The following TRPS1 variants were observed in gnomAD, a reference collection of about 807,000 sequenced individuals.
The protein encoded by TRPS1 is zinc finger transcription factor Trps1.
TRPS1 carries 6 observed loss-of-function variants against 101.2 expected under a neutral mutation model. The observed-to-expected ratio is 0.06, with a 90% CI of 0.03 to 0.12. The LOEUF is 0.12. Ranked by LOEUF, TRPS1 falls within the 10% of genes least tolerant of loss-of-function variation. The pLI, the probability that TRPS1 is intolerant of heterozygous loss-of-function variation, is 1.00. For synonymous variants in TRPS1, 578 were observed against 589.8 expected (o/e 0.98, Z 0.29); for missense variants, 1,363 against 1,567.0 (o/e 0.87, Z 2.20).
chr8:115,538,823 T>C (rs1430627508), intron 5 of TRPS1, among the ~76,000 whole-genome samples: 5 of 152,190 alleles, frequency 3.3e-5, no homozygotes, highest in Non-Finnish European at 7.4e-5. Flanking sequence ...GTAAATAACT[T>C]GTTAATGACT....
At chr8:115,498,397 CTCTCTCTCTCTCTCTCTCTA>C (rs1204152313) in intron 5 of TRPS1, among the ~76,000 whole-genome samples, 1 of 80,978 alleles carries the variant, frequency 1.2e-5, no homozygotes, top group African/African-American at 5.5e-5. Context: ...CTCTCTCTCT[CTCTCTCTCTCTCTCTCTCTA>C]TATATATATA....
intron 1 of TRPS1, among the ~76,000 whole-genome samples, chr8:115,665,320 C>G (rs1002845946): frequency 6.6e-6 from 1 of 152,152 alleles, no homozygotes; most frequent in Non-Finnish European, 1.5e-5. Flanking sequence ...AAAATGTACA[C>G]ATCATTAATC....
chr8:115,510,858 C>G (rs1211873768), intron 5 of TRPS1, among the ~76,000 whole-genome samples: 1 of 151,762 alleles, frequency 6.6e-6, no homozygotes, highest in African/African-American at 2.4e-5. Flanking sequence ...AGAATTAGTT[C>G]CAGACACAGA....
intron 6 of TRPS1, 22 bp from the exon 7 acceptor site, chr8:115,415,106 C>T (rs776087075): frequency 1.3e-6 from 2 of 1,580,640 alleles, no homozygotes; most frequent in East Asian, 2.2e-5. Context: ...ACATACAATA[C>T]ATAAAAGGAA....
chr8:115,422,876 A>G (rs73705189), intron 5 of TRPS1, among the ~76,000 whole-genome samples: 1,707 of 152,308 alleles, frequency 0.011, 34 homozygotes, highest in African/African-American at 0.039. Context: ...GGGAAGAATT[A>G]TGGGTCATAT....
intron 5 of TRPS1, among the ~76,000 whole-genome samples, chr8:115,543,441 T>A (rs961609924): frequency 2.0e-5 from 3 of 152,302 alleles, no homozygotes; most frequent in Non-Finnish European, 4.4e-5. Flanking sequence ...TTTTTAAATT[T>A]TTTTTGCCAT....
chr8:115,423,162 TA>T (rs1223278135), intron 5 of TRPS1, among the ~76,000 whole-genome samples: 1 of 152,210 alleles, frequency 6.6e-6, no homozygotes, highest in East Asian at 1.9e-4. Flanking sequence ...GCAGCTCAAC[TA>T]AAAATTGCTA....
At position 115,526,577 on chromosome 8, in the gene TRPS1, G is replaced by C. The variant is rs550094442; in HGVS notation, c.2700+60424C>G. Among the ~76,000 whole-genome samples the C allele has an allele frequency of 7.9e-5, 12 of 152,262 alleles. No individual in the cohort carries two copies. In the South Asian group the frequency reaches 2.5e-3, roughly 32 times the overall value. ...AAGGGACTCAATTCTGAAAGCAAGAGAGAAGAGAGAATGCCTAAGTACTGT... is the reference window on the plus strand; with the variant it reads ...AAGGGACTCAATTCTGAAAGCAAGACAGAAGAGAGAATGCCTAAGTACTGT... On this transcript the variant is annotated intron_variant, in intron 5 of 6. Coordinates refer to ENST00000395715, the MANE Select transcript of TRPS1 (RefSeq NM_014112.5).
intron 1 of TRPS1, among the ~76,000 whole-genome samples, chr8:115,629,568 G>A (rs147148943): frequency 2.0e-4 from 31 of 151,812 alleles, no homozygotes; most frequent in African/African-American, 6.0e-4. Flanking sequence ...TCCAGCTACC[G>A]TGATCAGTTT....
intron 5 of TRPS1, among the ~76,000 whole-genome samples, chr8:115,580,243 A>ATATAT (rs1422547761): frequency 7.2e-6 from 1 of 139,002 alleles, no homozygotes; most frequent in Non-Finnish European, 1.5e-5. Context: ...AGAAAAAAAA[A>ATATAT]AAATATATAT....
intron 5 of TRPS1, among the ~76,000 whole-genome samples, chr8:115,505,420 G>A (rs570983415): frequency 6.6e-6 from 1 of 152,114 alleles, no homozygotes; most frequent in South Asian, 2.1e-4. Flanking sequence ...AATGACATGG[G>A]AAAACCTATG....
At chr8:115,501,421 C>T (rs985295290) in intron 5 of TRPS1, among the ~76,000 whole-genome samples, 2 of 152,154 alleles carry the variant, frequency 1.3e-5, no homozygotes, top group East Asian at 1.9e-4. Context: ...TATCTACAAA[C>T]GAGTGTTAAC....
At chr8:115,453,026 A>ATT (rs1315243679) in intron 5 of TRPS1, among the ~76,000 whole-genome samples, 2 of 146,074 alleles carry the variant, frequency 1.4e-5, no homozygotes, top group Non-Finnish European at 1.5e-5. Context: ...TCCACTTTCA[A>ATT]TTTTTTTTTT....
chr8:115,549,683 A>C lies in TRPS1; in HGVS notation c.2700+37318T>G, dbSNP rs1042090851. Among the ~76,000 whole-genome samples the C allele has an allele frequency of 1.1e-4, 17 of 151,922 alleles. No individual in the cohort carries two copies. In the South Asian group the frequency reaches 2.5e-3, roughly 22 times the overall value. On this transcript the variant is annotated intron_variant, in intron 5 of 6. Coordinates refer to ENST00000395715, the MANE Select transcript of TRPS1 (RefSeq NM_014112.5). ...TATAATACTCTATTAAAAAAAAAAA[A>C]AAAAACGCTAAACAAAACAGCCCTT...
chr8:115,511,923 G>A (rs773979941), intron 5 of TRPS1, among the ~76,000 whole-genome samples: 2 of 151,714 alleles, frequency 1.3e-5, no homozygotes, highest in Non-Finnish European at 2.9e-5. Flanking sequence ...ATCTTAATAT[G>A]AATCTTAATA....
intron 5 of TRPS1, among the ~76,000 whole-genome samples, chr8:115,438,549 A>G (rs536190305): frequency 6.6e-6 from 1 of 152,290 alleles, no homozygotes; most frequent in Non-Finnish European, 1.5e-5. Context: ...TCAGTAACCT[A>G]GTTTCCTCCT....
At chr8:115,534,929 G>A (rs2130281101) in intron 5 of TRPS1, among the ~76,000 whole-genome samples, 1 of 151,474 alleles carries the variant, frequency 6.6e-6, no homozygotes, top group East Asian at 1.9e-4. Context: ...AATGCTTTAG[G>A]TTGGAGAAGG....
chr8:115,438,851 T>C (rs1331141068), intron 5 of TRPS1, among the ~76,000 whole-genome samples: 1 of 152,150 alleles, frequency 6.6e-6, no homozygotes, highest in East Asian at 1.9e-4. Flanking sequence ...CACTATACAC[T>C]GAAATTCTAA....
At chr8:115,640,824 G>T (rs1461164842) in intron 1 of TRPS1, among the ~76,000 whole-genome samples, 1 of 152,206 alleles carries the variant, frequency 6.6e-6, no homozygotes, top group African/African-American at 2.4e-5. Flanking sequence ...GATAATTACA[G>T]TTCAAGATGT....
Sources: gnomAD v4.1 joint callset for allele counts (sites outside exome capture counted in the v4.1 genomes callset) on GRCh38, gnomAD v4.1.1 for gene constraint, MANE v1.5 for transcripts, NCBI Gene and HGNC (gene_info 2026-07-23, HGNC 2026-07-21) for gene names.